Variants in GPC6 observed in about 807,000 individuals in gnomAD.
GPC6 encodes glypican-6.
A neutral mutation model predicts 55.2 loss-of-function variants in GPC6; 14 were observed. The observed-to-expected ratio is 0.25, with a 90% confidence interval of 0.17 to 0.40. GPC6 has a LOEUF of 0.40. GPC6 is among the 10% of genes least tolerant of loss of function. GPC6 has a pLI of 1.00. For missense variants in GPC6, 641 were observed against 708.5 expected (o/e 0.90, Z 1.08); for synonymous variants, 278 against 259.6 (o/e 1.07, Z -0.68).
chr13:93,266,475 G>T (rs1877329021), intron 1 of GPC6, among the ~76,000 whole-genome samples: 1 of 152,140 alleles, frequency 6.6e-6, no homozygotes, highest in East Asian at 1.9e-4. Context: ...GTAGAAGGAG[G>T]TTGAGTTCGT....
At chr13:93,814,969 AAG>A (rs1463736972) in intron 2 of GPC6, among the ~76,000 whole-genome samples, 1 of 152,168 alleles carries the variant, frequency 6.6e-6, no homozygotes, top group Admixed American at 6.5e-5. Flanking sequence ...AGGTATTTAA[AAG>A]AGAACAAAAC....
chr13:93,905,076 TC>T (rs1302438765), intron 3 of GPC6, among the ~76,000 whole-genome samples: 1 of 93,156 alleles, frequency 1.1e-5, no homozygotes, highest in Non-Finnish European at 2.2e-5. Flanking sequence ...AAGCATTCTC[TC>T]TTTTTTTTTT....
At chr13:94,156,127 C>T (rs910360742) in intron 4 of GPC6, among the ~76,000 whole-genome samples, 2 of 152,206 alleles carry the variant, frequency 1.3e-5, no homozygotes, top group East Asian at 1.9e-4. Context: ...TTCAGAAAAA[C>T]GGGATATGTC....
chr13:93,975,219 T>C (rs1440813241), intron 3 of GPC6, among the ~76,000 whole-genome samples: 1 of 152,220 alleles, frequency 6.6e-6, no homozygotes, highest in Admixed American at 6.6e-5. Context: ...AGGTAACTGA[T>C]ACAAAAATTT....
At chr13:93,544,776 C>T (rs1407809023) in intron 1 of GPC6, among the ~76,000 whole-genome samples, 1 of 152,186 alleles carries the variant, frequency 6.6e-6, no homozygotes, top group Admixed American at 6.5e-5. Flanking sequence ...ATTAAAAACA[C>T]ACTCACTTGG....
At chr13:93,998,497 C>T (rs1358085710) in intron 3 of GPC6, among the ~76,000 whole-genome samples, 1 of 152,086 alleles carries the variant, frequency 6.6e-6, no homozygotes, top group Non-Finnish European at 1.5e-5. Flanking sequence ...TTCTTTACTT[C>T]CCTCTGCTAT....
At chr13:93,659,479 G>C (rs1433666120) in intron 2 of GPC6, among the ~76,000 whole-genome samples, 1 of 151,810 alleles carries the variant, frequency 6.6e-6, no homozygotes, top group Non-Finnish European at 1.5e-5. Flanking sequence ...AGGAGTATTT[G>C]GCATCCTAAT....
intron 3 of GPC6, among the ~76,000 whole-genome samples, chr13:93,906,947 T>G (rs2140331995): frequency 6.6e-6 from 1 of 152,320 alleles, no homozygotes; most frequent in African/African-American, 2.4e-5. Context: ...GTTAATGTTT[T>G]TTGAATGCCT....
At chr13:94,212,427 C>T (rs999689402) in intron 4 of GPC6, among the ~76,000 whole-genome samples, 4 of 152,084 alleles carry the variant, frequency 2.6e-5, no homozygotes, top group Non-Finnish European at 5.9e-5. Flanking sequence ...GTATTACATA[C>T]CACATACAAA....
chr13:94,036,322 A>G (rs532645556), intron 4 of GPC6, among the ~76,000 whole-genome samples: 118 of 152,100 alleles, frequency 7.8e-4, no homozygotes, highest in Non-Finnish European at 1.2e-3. Flanking sequence ...TATGTCCTCG[A>G]TTTTTTTCTT....
chr13:93,385,904 C>T (rs758889745), intron 1 of GPC6, among the ~76,000 whole-genome samples: 9 of 151,980 alleles, frequency 5.9e-5, no homozygotes, highest in Non-Finnish European at 1.3e-4. Context: ...TTACAATTCT[C>T]ATTTAAACAC....
chr13:93,891,222 A>C (rs1875662083), intron 3 of GPC6, among the ~76,000 whole-genome samples: 1 of 152,296 alleles, frequency 6.6e-6, no homozygotes, highest in Non-Finnish European at 1.5e-5. Context: ...TACCTAAAAA[A>C]GACATCAGAA....
intron 3 of GPC6, among the ~76,000 whole-genome samples, chr13:94,009,057 T>C (rs1181454972): frequency 1.2e-4 from 19 of 152,198 alleles, no homozygotes; most frequent in Admixed American, 1.2e-3. Context: ...ATCATTACAA[T>C]TATTATTGAT....
chr13:93,912,887 G>A (rs1877082324), intron 3 of GPC6, among the ~76,000 whole-genome samples: 1 of 152,146 alleles, frequency 6.6e-6, no homozygotes, highest in Admixed American at 6.5e-5. Flanking sequence ...GGTTATCCTT[G>A]TCTTTCCTTG....
intron 6 of GPC6, among the ~76,000 whole-genome samples, chr13:94,345,447 T>C (rs1878239656): frequency 6.6e-6 from 1 of 152,208 alleles, no homozygotes; most frequent in South Asian, 2.1e-4. Flanking sequence ...ATTTACCAAA[T>C]CGTTACTAGT....
At chr13:93,316,332 G>A (rs1188465496) in intron 1 of GPC6, among the ~76,000 whole-genome samples, 1 of 152,014 alleles carries the variant, frequency 6.6e-6, no homozygotes, top group Non-Finnish European at 1.5e-5. Context: ...TAATGTGTGG[G>A]TATATGTCAT....
At chr13:93,740,302 C>G (rs1469879553) in intron 2 of GPC6, among the ~76,000 whole-genome samples, 1 of 152,108 alleles carries the variant, frequency 6.6e-6, no homozygotes, top group Non-Finnish European at 1.5e-5. Flanking sequence ...GATTAGAGGA[C>G]ATAAAGGAGT....
chr13:93,889,744 A>C (rs766461239), intron 3 of GPC6, among the ~76,000 whole-genome samples: 9 of 152,110 alleles, frequency 5.9e-5, no homozygotes, highest in Non-Finnish European at 1.3e-4. Flanking sequence ...CCATGGGGAA[A>C]GATTTGCCAT....
At chr13:93,847,411 T>TA (rs950126606) in intron 3 of GPC6, among the ~76,000 whole-genome samples, 20 of 152,292 alleles carry the variant, frequency 1.3e-4, no homozygotes, top group Non-Finnish European at 2.8e-4. Flanking sequence ...GTCACTGGGT[T>TA]AAATGACTCA....
Sources: allele counts gnomAD v4.1 joint callset (sites outside exome capture counted in the v4.1 genomes callset), GRCh38; gene constraint gnomAD v4.1.1; transcripts MANE v1.5; gene names NCBI Gene and HGNC (gene_info 2026-07-23, HGNC 2026-07-21).